PPP1R12B: variants seen among roughly 807,000 people sequenced by gnomAD.
The protein encoded by PPP1R12B is protein phosphatase 1 regulatory subunit 12B, also known as myosin phosphatase target subunit 2.
A neutral mutation model predicts 126.1 loss-of-function variants in PPP1R12B; 76 were observed. The ratio of observed to expected loss-of-function variants is 0.60; its 90% CI spans 0.50 to 0.73. The LOEUF (loss-of-function observed/expected upper bound fraction) is 0.73. PPP1R12B is among the 30% of genes least tolerant of loss of function. The pLI, the probability that PPP1R12B is intolerant of heterozygous loss-of-function variation, is 0.00. For synonymous variants in PPP1R12B, 356 were observed against 434.7 expected (o/e 0.82, Z 2.25); for missense variants, 1,052 against 1,205.1 (o/e 0.87, Z 1.88).
At chr1:202,416,167 C>CT (rs1485592372) in intron 1 of PPP1R12B, among the ~76,000 whole-genome samples, 1 of 152,136 alleles carries the variant, frequency 6.6e-6, no homozygotes, top group Non-Finnish European at 1.5e-5. Flanking sequence ...GATGAAACAG[C>CT]TTATTCATTT....
intron 1 of PPP1R12B, among the ~76,000 whole-genome samples, chr1:202,395,570 C>T (rs375602436): frequency 2.8e-4 from 43 of 152,284 alleles, no homozygotes; most frequent in African/African-American, 9.9e-4. Context: ...CAGTTATACC[C>T]ACGACACAAA....
At chr1:202,374,632 G>A (rs1304714811) in intron 1 of PPP1R12B, among the ~76,000 whole-genome samples, 2 of 151,430 alleles carry the variant, frequency 1.3e-5, no homozygotes, top group African/African-American at 4.9e-5. Flanking sequence ...CTGAGTAGCT[G>A]GGGCTACAGG....
chr1:202,545,645 G>A (rs900173316), intron 18 of PPP1R12B, among the ~76,000 whole-genome samples: 1 of 152,118 alleles, frequency 6.6e-6, no homozygotes, highest in African/African-American at 2.4e-5. Flanking sequence ...AGTCTAATTG[G>A]GGAGATAAAG....
chr1:202,505,611 C>T (rs1014746137), intron 18 of PPP1R12B, among the ~76,000 whole-genome samples: 1 of 152,056 alleles, frequency 6.6e-6, no homozygotes, highest in Non-Finnish European at 1.5e-5. Context: ...GGCTCGATTG[C>T]CTAATATGGT....
chr1:202,479,447 C>T (rs976160158), intron 13 of PPP1R12B, among the ~76,000 whole-genome samples: 2 of 152,174 alleles, frequency 1.3e-5, no homozygotes, highest in Non-Finnish European at 2.9e-5. Context: ...CAACATTTGG[C>T]TCTACTTTTC....
rs1690128599 is a variant in PPP1R12B, at chr1:202,591,811, C to G, written c.*11251C>G. 1 of 152,876 alleles carries G rather than the reference C, an allele frequency of 6.5e-6. No homozygotes were observed. The highest frequency in any genetic ancestry group is 1.5e-5 in the Non-Finnish European group (1 of 68,244). The allele number at this position is 152,876 out of a possible 1,614,324, so 9.5% of individuals were successfully genotyped here. On this transcript the variant is annotated 3_prime_UTR_variant, in exon 24 of 24. Transcript: ENST00000608999. ...CTGCTGACTGGCTGCTCCTGAAAAT[C>G]CTGGTTGCCTCCACAGGGACCCCAG... is the stretch of plus-strand genomic sequence containing the variant.
chr1:202,475,497 G>A (rs1676517035), intron 13 of PPP1R12B, among the ~76,000 whole-genome samples: 1 of 152,150 alleles, frequency 6.6e-6, no homozygotes, highest in South Asian at 2.1e-4. Context: ...GAAATGTCTT[G>A]CTACATAAAT....
At chr1:202,479,523 G>A (rs555820279) in intron 13 of PPP1R12B, among the ~76,000 whole-genome samples, 49 of 152,286 alleles carry the variant, frequency 3.2e-4, no homozygotes, top group African/African-American at 1.1e-3. Flanking sequence ...CAAGATTTTC[G>A]TAGTCTCATG....
chr1:202,538,875 A>G (rs1684821430), intron 18 of PPP1R12B, among the ~76,000 whole-genome samples: 1 of 151,924 alleles, frequency 6.6e-6, no homozygotes. Flanking sequence ...TTCTCTCTTC[A>G]TTTCTGACCC....
chr1:202,559,317 G>A (rs1284103638), intron 19 of PPP1R12B, among the ~76,000 whole-genome samples: 3 of 152,184 alleles, frequency 2.0e-5, no homozygotes, highest in Admixed American at 2.0e-4. Context: ...TGAGCACAGA[G>A]AAGAGCAATT....
intron 10 of PPP1R12B, chr1:202,438,452 C>T: frequency 2.3e-6 from 1 of 435,120 alleles, no homozygotes. Flanking sequence ...GCCAGGGTCC[C>T]ACCGCTTGAG....
chr1:202,478,755 T>TG (rs1238121314), intron 13 of PPP1R12B, among the ~76,000 whole-genome samples: 1 of 152,064 alleles, frequency 6.6e-6, no homozygotes, highest in Non-Finnish European at 1.5e-5. Flanking sequence ...TTTTTTCCCC[T>TG]GGGGAAAAAA....
chr1:202,386,101 T>C (rs1266277523), intron 1 of PPP1R12B, among the ~76,000 whole-genome samples: 1 of 151,446 alleles, frequency 6.6e-6, no homozygotes, highest in African/African-American at 2.4e-5. Context: ...GCCCGGCTAA[T>C]TTTTTGTGTT....
chr1:202,525,975 G>A (rs1683298316), intron 18 of PPP1R12B, among the ~76,000 whole-genome samples: 1 of 152,220 alleles, frequency 6.6e-6, no homozygotes, highest in African/African-American at 2.4e-5. Flanking sequence ...GATCACAGGC[G>A]TGAGCTGCCA....
At chr1:202,506,206 C>T (rs1680787551) in intron 18 of PPP1R12B, among the ~76,000 whole-genome samples, 1 of 152,170 alleles carries the variant, frequency 6.6e-6, no homozygotes, top group Admixed American at 6.5e-5. Context: ...ACATTGGCCT[C>T]GAAGGATCTT....
chr1:202,387,622 T>C (rs1449300453), intron 1 of PPP1R12B, among the ~76,000 whole-genome samples: 1 of 151,990 alleles, frequency 6.6e-6, no homozygotes, highest in Non-Finnish European at 1.5e-5. Context: ...TCCGGTAAGG[T>C]AGAAAAGGAT....
chr1:202,570,426 A>G (rs573844309), intron 23 of PPP1R12B, among the ~76,000 whole-genome samples: 9 of 152,324 alleles, frequency 5.9e-5, no homozygotes, highest in Admixed American at 5.2e-4. Flanking sequence ...TTGCCCTTGC[A>G]TTTCCTACCA....
chr1:202,380,047 C>G (rs917475066), intron 1 of PPP1R12B, among the ~76,000 whole-genome samples: 2 of 152,106 alleles, frequency 1.3e-5, no homozygotes, highest in African/African-American at 4.8e-5. Flanking sequence ...CCTACCATTC[C>G]TCAACCTCAT....
chr1:202,371,858 C>CTTT (rs1193939057), intron 1 of PPP1R12B, among the ~76,000 whole-genome samples: 88 of 75,298 alleles, frequency 1.2e-3, no homozygotes, highest in African/African-American at 2.1e-3. Context: ...ATTATAGTTT[C>CTTT]TTTTTTTTTT....
Sources: allele counts gnomAD v4.1 joint callset (sites outside exome capture counted in the v4.1 genomes callset), GRCh38; gene constraint gnomAD v4.1.1; transcripts MANE v1.5; gene names NCBI Gene and HGNC (gene_info 2026-07-23, HGNC 2026-07-21).